Variants in CNOT1 observed in about 807,000 individuals in gnomAD.
CNOT1 encodes the protein CCR4-NOT transcription complex subunit 1.
CNOT1 carries 15 observed loss-of-function variants against 273.8 expected under a neutral mutation model. The ratio of observed to expected loss-of-function variants is 0.05; its 90% CI spans 0.04 to 0.08. The LOEUF is 0.08. Ranked by LOEUF, CNOT1 falls within the 10% of genes least tolerant of loss-of-function variation. The pLI is 1.00. For synonymous variants in CNOT1, 1,022 were observed against 1,005.5 expected, an observed-to-expected ratio of 1.02 and a Z score of -0.31; for missense variants, 1,644 against 2,912.2, an observed-to-expected ratio of 0.56 and a Z score of 10.02.
chr16:58,532,079 A>C lies in CNOT1; in HGVS notation c.6060-4T>G, dbSNP rs1262421195. ...CCTCAAGATGTGGAATGTATTGCTG[A>C]AAGAAGAAAAACCTTAGTCAGAAGC... On this transcript the variant is annotated splice_region_variant and splice_polypyrimidine_tract_variant and intron_variant, in intron 41 of 48. Coordinates refer to ENST00000317147, the MANE Select transcript of CNOT1 (RefSeq NM_016284.5). 1 of 1,613,922 alleles carries C rather than the reference A, an allele frequency of 6.2e-7. No individual in the cohort carries two copies. Among genetic ancestry groups the C allele is most frequent in the Middle Eastern group, 1.6e-4 (1 of 6,062 alleles).
intron 42 of CNOT1, 99 bp downstream of exon 42, chr16:58,531,859 A>G: frequency 7.2e-7 from 1 of 1,387,576 alleles, no homozygotes; most frequent in Non-Finnish European, 9.8e-7. Flanking sequence ...GAAGAAGTAC[A>G]ATTACTACTA....
intron 45 of CNOT1, 52 bp downstream of exon 45, chr16:58,525,937 G>C: frequency 6.6e-7 from 1 of 1,525,592 alleles, no homozygotes; most frequent in Non-Finnish European, 9.1e-7. Flanking sequence ...ACCATACATA[G>C]AAAGTGCTTT....
chr16:58,541,491 A>G lies in CNOT1; in HGVS notation c.4800+10T>C. 6.2e-7 allele frequency: 1 copy of G among 1,610,034 alleles called. No individual in the cohort carries two copies. Among genetic ancestry groups the G allele is most frequent in the Non-Finnish European group, 8.5e-7 (1 of 1,178,148 alleles). On this transcript the variant is annotated intron_variant, in intron 34 of 48. Transcript: ENST00000317147. Reference sequence around the variant, plus strand: ...GGCAAAACACTCAATTTAATCTAAAACACATTTACCTTCATGGGCTGGGCT... The same window carrying G: ...GGCAAAACACTCAATTTAATCTAAAGCACATTTACCTTCATGGGCTGGGCT...
intron 35 of CNOT1, 54 bp downstream of exon 35, chr16:58,539,714 C>T: frequency 6.7e-7 from 1 of 1,501,194 alleles, no homozygotes; most frequent in Non-Finnish European, 9.0e-7. Flanking sequence ...TGGTGCAGGT[C>T]AATAAATGTT....
At chr16:58,563,814 T>C (rs924560333) in intron 16 of CNOT1, among the ~76,000 whole-genome samples, 5 of 152,214 alleles carry the variant, frequency 3.3e-5, no homozygotes, top group African/African-American at 1.2e-4. Flanking sequence ...AGGAAAATTT[T>C]GCGATACCTA....
Position 58,601,143 on chromosome 16 carries a change from A to G in CNOT1, c.-174-1632T>C, listed in dbSNP as rs572598808. Among the ~76,000 whole-genome samples the G allele has an allele frequency of 5.3e-5, 8 of 152,302 alleles. No homozygotes were observed. In the East Asian group the frequency reaches 1.5e-3, roughly 29 times the overall value. On this transcript the variant is annotated intron_variant, in intron 1 of 48. Coordinates refer to ENST00000317147, the MANE Select transcript of CNOT1 (RefSeq NM_016284.5). The stretch of plus-strand genomic sequence containing the variant: ...CTAATTTGTTGTGTTTTTAGTAAAG[A>G]AGGGGTTTCGCCATGTTGGCCTGGC...
intron 2 of CNOT1, among the ~76,000 whole-genome samples, chr16:58,595,435 A>C (rs1293220158): frequency 2.0e-5 from 3 of 151,580 alleles, no homozygotes; most frequent in South Asian, 4.1e-4. Context: ...AAAAAAAAAA[A>C]AAAAAACTCC....
intron 36 of CNOT1, 124 bp downstream of exon 36, chr16:58,538,648 A>T: frequency 3.6e-6 from 5 of 1,390,724 alleles, no homozygotes; most frequent in Non-Finnish European, 4.8e-6. Context: ...TCTCAGAAGT[A>T]GGAAGTCTAA....
At chr16:58,587,287 G>A (rs1170850879) in intron 5 of CNOT1, 32 bp from the exon 6 acceptor site, 2 of 1,613,620 alleles carry the variant, frequency 1.2e-6, no homozygotes, top group Non-Finnish European at 8.5e-7. Flanking sequence ...TAACCAAAGA[G>A]TCAAATGGCT....
At position 58,547,132 on chromosome 16, in the gene CNOT1, A is replaced by G. The variant is rs2040283222; in HGVS notation, c.3750+54T>C. ...AATATAATCTCTTGACCTCATGCTA[A>G]AACAAAGCAATGCTTAGAAATTAGT... On this transcript the variant is annotated intron_variant, in intron 27 of 48. Transcript: ENST00000317147. This position sits in a 1 kb window ranked among gnomAD's most constrained non-coding sequence, Gnocchi z 4.0. The G allele has an allele frequency of 6.3e-7, 1 of 1,582,330 alleles. No individual in the cohort carries two copies. The highest frequency in any genetic ancestry group is 8.6e-7 in the Non-Finnish European group (1 of 1,163,686).
intron 24 of CNOT1, 135 bp from the exon 25 acceptor site, chr16:58,550,033 A>T (rs2151928671): frequency 7.4e-7 from 1 of 1,345,522 alleles, no homozygotes; most frequent in East Asian, 2.5e-5. Flanking sequence ...TTTCCTTCAC[A>T]CCAGATAGAT....
Position 58,558,590 on chromosome 16 carries a change from T to G in CNOT1, c.2215A>C (p.Asn739His). The G allele has an allele frequency of 6.2e-7, 1 of 1,613,166 alleles. No individual in the cohort carries two copies. The highest frequency in any genetic ancestry group is 8.5e-7 in the Non-Finnish European group (1 of 1,179,632). Residue 739 changes from asparagine (N) to histidine (H), a missense_variant, in exon 18 of 49, where the codon AAT becomes CAT. Asn to His is a moderately conservative substitution (Grantham distance 68). Around this residue, in one of 13 missense-constraint regions of CNOT1, gnomAD observed 706 missense variants for 1,021.2 expected, o/e 0.69. Coordinates refer to ENST00000317147, the MANE Select transcript of CNOT1 (RefSeq NM_016284.5). ...GGGGTACTGAATGCAGAACCCAAAT[T>G]TGGAGGAAAACCCTGCATACTCTGG... is the stretch of plus-strand genomic sequence containing the variant. The part of the protein sequence containing the change: ...HTQSMQGFPP[N>H]LGSAFSTPQS...
At chr16:58,553,910 A>G (rs746652727) in intron 21 of CNOT1, 50 bp from the exon 22 acceptor site, 1 of 1,549,896 alleles carries the variant, frequency 6.5e-7, no homozygotes, top group Admixed American at 2.0e-5. Flanking sequence ...CAGAAGCATC[A>G]CTAACAAAAT....
At chr16:58,553,662 T>G in intron 22 of CNOT1, 120 bp downstream of exon 22, 1 of 1,269,188 alleles carries the variant, frequency 7.9e-7, no homozygotes, top group Admixed American at 3.2e-5. Context: ...TGTACCTATA[T>G]CATGCCAATC....
intron 7 of CNOT1, among the ~76,000 whole-genome samples, chr16:58,585,975 T>C (rs768175609): frequency 5.3e-5 from 8 of 151,864 alleles, no homozygotes; most frequent in Non-Finnish European, 1.0e-4. Flanking sequence ...GTTAATCCAC[T>C]ATCAGATTTG....
intron 2 of CNOT1, among the ~76,000 whole-genome samples, chr16:58,590,225 C>T (rs143921770): frequency 5.7e-4 from 87 of 152,264 alleles, no homozygotes; most frequent in Non-Finnish European, 9.0e-4. Context: ...TCTATCCCCA[C>T]GGATAAGGGG....
At chr16:58,623,201 AG>A (rs1394931517) in intron 1 of CNOT1, 2 of 148,326 alleles carry the variant, frequency 1.3e-5, no homozygotes, top group African/African-American at 5.0e-5. Flanking sequence ...AAAAAAAAAA[AG>A]AAAAGAAAAT....
intron 34 of CNOT1, among the ~76,000 whole-genome samples, chr16:58,541,172 T>A (rs2040082703): frequency 6.6e-6 from 1 of 152,124 alleles, no homozygotes; most frequent in South Asian, 2.1e-4. Context: ...GCCACTGCAC[T>A]CCAGCCTGGG....
rs116734965 is a variant in CNOT1, at chr16:58,548,661, T to C, written c.3523-979A>G. On this transcript the variant is annotated intron_variant, in intron 25 of 48. Coordinates refer to ENST00000317147, the MANE Select transcript of CNOT1 (RefSeq NM_016284.5). ...TTCCTAAGCCAATGACCCAAGTTAT[T>C]GAGCAAAGAATGACCACAGCTGTAT... is the stretch of plus-strand genomic sequence containing the variant. 644 of 515,444 alleles carry C rather than the reference T, an allele frequency of 1.2e-3. 3 individuals are homozygous for C. The highest frequency in any genetic ancestry group is 0.011 in the African/African-American group (574 of 51,936). 31.9% of individuals were successfully genotyped at this position (515,444 alleles called of 1,614,324 possible). A position where few individuals can be genotyped will look rare whatever the true frequency, so the allele number is the denominator to read the frequency against.
Sources: gnomAD v4.1 joint callset for allele counts (sites outside exome capture counted in the v4.1 genomes callset) on GRCh38, gnomAD v4.1.1 for gene constraint, gnomAD v4.1.1 regional missense constraint, Gnocchi (gnomAD v3.1) non-coding constraint, MANE v1.5 for transcripts, NCBI Gene and HGNC (gene_info 2026-07-23, HGNC 2026-07-21) for gene names.